The following CAMTA1 variants were observed in gnomAD, a reference collection of about 807,000 sequenced individuals.
CAMTA1 encodes calmodulin binding transcription activator 1, also known as calmodulin-binding transcription activator 1.
Under a neutral mutation model 170.9 loss-of-function variants are expected in CAMTA1, and 27 were observed. That is an observed-to-expected ratio of 0.16 (90% CI 0.12 to 0.22). The LOEUF (loss-of-function observed/expected upper bound fraction) is 0.22. CAMTA1 is among the 10% of genes least tolerant of loss of function. The pLI is 1.00. For missense variants in CAMTA1, 1,619 were observed against 2,217.2 expected, an observed-to-expected ratio of 0.73 and a Z score of 5.42; for synonymous variants, 833 against 891.5, an observed-to-expected ratio of 0.93 and a Z score of 1.17.
At chr1:7,505,509 T>G (rs1357512124) in intron 6 of CAMTA1, among the ~76,000 whole-genome samples, 2 of 152,044 alleles carry the variant, frequency 1.3e-5, no homozygotes, top group Admixed American at 6.5e-5. Context: ...AAAAGGAGCT[T>G]GTGCAGGCCC....
intron 4 of CAMTA1, among the ~76,000 whole-genome samples, chr1:7,131,524 T>C (rs1325884737): frequency 7.1e-6 from 1 of 141,550 alleles, no homozygotes; most frequent in East Asian, 2.0e-4. Flanking sequence ...CGTCTTTTCT[T>C]TTTTTTTTTT....
rs34262081 is a variant in CAMTA1 at position 7,639,773 on chromosome 1, GAAA to G, written c.511-616_511-614del. Among the ~76,000 whole-genome samples, 467 of 142,416 alleles carry G rather than the reference GAAA, an allele frequency of 3.3e-3. 2 individuals are homozygous for G. Among genetic ancestry groups the G allele is most frequent in the African/African-American group, 0.011 (451 of 39,662 alleles). The allele number at this position is 142,416 out of a possible 152,430, so 93.4% of individuals were successfully genotyped here. A position where few individuals can be genotyped will look rare whatever the true frequency, so the allele number is the denominator to read the frequency against. On this transcript the variant is annotated intron_variant, in intron 6 of 22. Transcript: ENST00000303635. ...ACGATGGAGTGAGACTCTGTCTAAA[GAAA>G]AAAAAAAAAAGTGCTTCATTGCAGG...
Position 7,499,970 on chromosome 1 carries a change from GGT to G in CAMTA1, c.510+32073_510+32074del, listed in dbSNP as rs568087791. Among the ~76,000 whole-genome samples the G allele has an allele frequency of 3.6e-4, 53 of 147,222 alleles. 5 individuals are homozygous for G. The highest frequency in any genetic ancestry group is 7.0e-4 in the Non-Finnish European group (47 of 66,992). ...TGTGTGGAGAGGACTGTGTGAGCCTGGTGTGCGTGCATAGGTATATGAGTGTG... is the reference window on the plus strand; with the variant it reads ...TGTGTGGAGAGGACTGTGTGAGCCTGGTGCGTGCATAGGTATATGAGTGTG... On this transcript the variant is annotated intron_variant, in intron 6 of 22. Coordinates refer to ENST00000303635, the MANE Select transcript of CAMTA1 (RefSeq NM_015215.4).
chr1:7,760,525 A>G (rs924224126), intron 22 of CAMTA1, among the ~76,000 whole-genome samples: 10 of 152,254 alleles, frequency 6.6e-5, no homozygotes, highest in Non-Finnish European at 5.9e-5. Flanking sequence ...CATGAGAAGT[A>G]AGACGTGAAT....
chr1:7,601,969 T>TGTGGGGAGAGGGAGACC (rs1200062861), intron 6 of CAMTA1, among the ~76,000 whole-genome samples: 1 of 103,636 alleles, frequency 9.6e-6, no homozygotes, highest in Admixed American at 9.5e-5. Flanking sequence ...AGAGGGAGAC[T>TGTGGGGAGAGGGAGACC]GTGGGGAGAG....
chr1:7,239,861 G>A (rs1664555235), intron 4 of CAMTA1, among the ~76,000 whole-genome samples: 1 of 151,946 alleles, frequency 6.6e-6, no homozygotes, highest in South Asian at 2.1e-4. Context: ...GCAAGAGAGG[G>A]CAAGAATGAG....
intron 6 of CAMTA1, among the ~76,000 whole-genome samples, chr1:7,589,907 C>T (rs1576269459): frequency 6.6e-6 from 1 of 152,220 alleles, no homozygotes; most frequent in East Asian, 1.9e-4. Flanking sequence ...TGTGTGGCTT[C>T]AGCCCTGGCC....
At chr1:7,259,581 A>T (rs1344610848) in intron 5 of CAMTA1, among the ~76,000 whole-genome samples, 1 of 152,254 alleles carries the variant, frequency 6.6e-6, no homozygotes, top group African/African-American at 2.4e-5. Flanking sequence ...CCTTGCCCCC[A>T]GGCAAGTGGT....
intron 11 of CAMTA1, among the ~76,000 whole-genome samples, chr1:7,724,272 G>C (rs1229233760): frequency 6.6e-6 from 1 of 152,158 alleles, no homozygotes; most frequent in East Asian, 1.9e-4. Flanking sequence ...GCTAAAATCG[G>C]TTTCAAGTCT....
rs1415415899 is a variant in CAMTA1, at chr1:7,633,883, G to A, written c.511-6517G>A. 3.9e-5 allele frequency among the ~76,000 whole-genome samples: 6 copies of A among 152,228 alleles called. No homozygotes were observed. Among genetic ancestry groups the A allele is most frequent in the Non-Finnish European group, 8.8e-5 (6 of 68,040 alleles). ...GGGCACTGTTGTCAACGGGGTTGCT[G>A]AATGAGGTTTCCACAAGAAAGTGAC... is the stretch of plus-strand genomic sequence containing the variant. On this transcript the variant is annotated intron_variant, in intron 6 of 22. Coordinates refer to ENST00000303635, the MANE Select transcript of CAMTA1 (RefSeq NM_015215.4). This position sits in a 1 kb window ranked among gnomAD's most constrained non-coding sequence, Gnocchi z 4.1.
chr1:7,462,249 T>G (rs542347709), intron 5 of CAMTA1, among the ~76,000 whole-genome samples: 1 of 152,244 alleles, frequency 6.6e-6, no homozygotes, highest in South Asian at 2.1e-4. Context: ...TGCCTCAGCC[T>G]CCCAAGGAGC....
intron 9 of CAMTA1, among the ~76,000 whole-genome samples, chr1:7,668,208 T>C (rs1265076908): frequency 6.6e-6 from 1 of 152,146 alleles, no homozygotes; most frequent in Non-Finnish European, 1.5e-5. Flanking sequence ...AAAATGGGGT[T>C]TGGCTAAACG....
At chr1:6,892,597 CTTTTT>C (rs70984032) in intron 3 of CAMTA1, among the ~76,000 whole-genome samples, 5 of 120,868 alleles carry the variant, frequency 4.1e-5, no homozygotes, top group South Asian at 2.6e-4. Context: ...TTTTTCTTTT[CTTTTT>C]TTTTTTTTTT....
intron 4 of CAMTA1, among the ~76,000 whole-genome samples, chr1:7,213,118 A>G (rs1659077540): frequency 6.6e-6 from 1 of 152,220 alleles, no homozygotes. Context: ...TTTCTTTGAG[A>G]TAAATGCCTA....
At chr1:7,266,052 T>C (rs1361401017) in intron 5 of CAMTA1, among the ~76,000 whole-genome samples, 2 of 152,274 alleles carry the variant, frequency 1.3e-5, no homozygotes, top group Admixed American at 6.5e-5. Flanking sequence ...TTAAAGTCTC[T>C]GCTGGTGGAT....
intron 6 of CAMTA1, among the ~76,000 whole-genome samples, chr1:7,490,670 A>G (rs1030061860): frequency 6.6e-6 from 1 of 151,740 alleles, no homozygotes; most frequent in African/African-American, 2.4e-5. Flanking sequence ...AAAAGTGACA[A>G]AGCAGCCCCT....
At chr1:6,840,679 G>A (rs1655310981) in intron 3 of CAMTA1, among the ~76,000 whole-genome samples, 1 of 152,094 alleles carries the variant, frequency 6.6e-6, no homozygotes, top group African/African-American at 2.4e-5. Context: ...CCGTCAATGC[G>A]CAGGTGACAT....
chr1:7,600,539 G>T (rs1194666053), intron 6 of CAMTA1, among the ~76,000 whole-genome samples: 1 of 151,266 alleles, frequency 6.6e-6, no homozygotes, highest in Non-Finnish European at 1.5e-5. Flanking sequence ...CGCAGAGGGG[G>T]ATTTGGCAGG....
In CAMTA1 at chr1:7,446,111, G is replaced by A. The variant is rs941737432; in HGVS notation, c.439-21719G>A. On this transcript the variant is annotated intron_variant, in intron 5 of 22. Transcript: ENST00000303635. ...TCCGCCCGCCGCTCACCTTGCTGTC[G>A]GCAAGAGTTAAGTTTTACTGAGAAA... is the stretch of plus-strand genomic sequence containing the variant. 2.6e-5 allele frequency among the ~76,000 whole-genome samples: 4 copies of A among 151,494 alleles called. No homozygotes were observed. In the East Asian group the frequency reaches 5.8e-4, roughly 22 times the overall value.
Sources: allele counts gnomAD v4.1 joint callset (sites outside exome capture counted in the v4.1 genomes callset), GRCh38; gene constraint gnomAD v4.1.1; non-coding constraint Gnocchi (gnomAD v3.1); transcripts MANE v1.5; gene names NCBI Gene and HGNC (gene_info 2026-07-23, HGNC 2026-07-21).